The following IL1RAPL1 variants were observed in gnomAD, a reference collection of about 807,000 sequenced individuals.
The protein encoded by IL1RAPL1 is interleukin-1 receptor accessory protein-like 1.
A neutral mutation model predicts 48.4 loss-of-function variants in IL1RAPL1; 3 were observed. The observed-to-expected ratio is 0.06, with a 90% CI of 0.03 to 0.16. The LOEUF is 0.16. Ranked by LOEUF, IL1RAPL1 falls within the 10% of genes least tolerant of loss-of-function variation. IL1RAPL1 has a pLI of 1.00. For synonymous variants in IL1RAPL1, 185 were observed against 187.7 expected (o/e 0.99, Z 0.12); for missense variants, 349 against 530.6 (o/e 0.66, Z 3.36).
intron 2 of IL1RAPL1, among the ~76,000 whole-genome samples, chrX:29,096,831 C>T (rs1175875807): frequency 6.3e-5 from 7 of 110,990 alleles, no homozygotes; most frequent in South Asian, 3.8e-4. Context: ...GTAAAAAGCA[C>T]GTACCTTGGT....
intron 9 of IL1RAPL1, 83 bp downstream of exon 9, chrX:29,941,877 C>T (rs956465417): frequency 1.1e-4 from 95 of 875,404 alleles, no homozygotes; most frequent in Non-Finnish European, 1.4e-4. Flanking sequence ...AAAAAAATTA[C>T]GTGCATAATC....
At chrX:29,113,358 G>A (rs1295904662) in intron 2 of IL1RAPL1, among the ~76,000 whole-genome samples, 1 of 111,531 alleles carries the variant, frequency 9.0e-6, no homozygotes, top group Non-Finnish European at 1.9e-5. Flanking sequence ...GTCTGGTAGG[G>A]CTAGTCCCTC....
At chrX:29,853,145 G>T (rs183298113) in intron 6 of IL1RAPL1, among the ~76,000 whole-genome samples, 2 of 106,089 alleles carry the variant, frequency 1.9e-5, no homozygotes, top group East Asian at 6.1e-4. Flanking sequence ...TTTGAAGACT[G>T]CAAGGAGTAC....
chrX:29,926,731 G>C (rs745558473), intron 8 of IL1RAPL1, among the ~76,000 whole-genome samples: 1 of 111,409 alleles, frequency 9.0e-6, no homozygotes, highest in South Asian at 3.8e-4. Context: ...AGTACTCCTA[G>C]CCTCTGCCCA....
chrX:29,638,665 A>G (rs1036941119), intron 5 of IL1RAPL1, among the ~76,000 whole-genome samples: 2 of 112,067 alleles, frequency 1.8e-5, no homozygotes. Context: ...ATATACAAAT[A>G]CATATGTGAA....
chrX:28,838,638 G>GT (rs1921287156), intron 2 of IL1RAPL1, among the ~76,000 whole-genome samples: 1 of 110,000 alleles, frequency 9.1e-6, no homozygotes, highest in East Asian at 2.9e-4. Context: ...ACAAACTCGG[G>GT]TTTTTGTCTT....
At chrX:29,415,576 C>A (rs1173862311) in intron 5 of IL1RAPL1, among the ~76,000 whole-genome samples, 3 of 110,671 alleles carry the variant, frequency 2.7e-5, no homozygotes, top group African/African-American at 9.9e-5. Flanking sequence ...CGTGCCACCA[C>A]GCCCGGCTAA....
chrX:29,076,612 A>T (rs1927675731), intron 2 of IL1RAPL1, among the ~76,000 whole-genome samples: 1 of 109,517 alleles, frequency 9.1e-6, no homozygotes, highest in Non-Finnish European at 1.9e-5. Context: ...CTTTCGATTC[A>T]TTCCATTCCA....
At chrX:29,693,225 C>A (rs1176265887) in intron 6 of IL1RAPL1, among the ~76,000 whole-genome samples, 1 of 112,314 alleles carries the variant, frequency 8.9e-6, no homozygotes, top group East Asian at 2.8e-4. Context: ...CTGGTGTCAT[C>A]ATTCACTGAG....
chrX:28,928,369 T>C (rs762494424), intron 2 of IL1RAPL1, among the ~76,000 whole-genome samples: 36 of 111,554 alleles, frequency 3.2e-4, no homozygotes, highest in African/African-American at 1.1e-3. Flanking sequence ...ATCTCCCTTC[T>C]TCCTCTACAG....
chrX:29,555,438 C>G (rs4829224), intron 5 of IL1RAPL1, among the ~76,000 whole-genome samples: 47,178 of 110,743 alleles, frequency 0.43, 7,892 homozygotes, highest in East Asian at 0.71. Flanking sequence ...CTTCCTTAAG[C>G]CCAAAGTTAG....
intron 5 of IL1RAPL1, among the ~76,000 whole-genome samples, chrX:29,596,246 G>T (rs1401178035): frequency 9.0e-6 from 1 of 111,232 alleles, no homozygotes; most frequent in East Asian, 2.8e-4. Flanking sequence ...ATTTTAGGAC[G>T]GCTTTTCTAG....
intron 1 of IL1RAPL1, among the ~76,000 whole-genome samples, chrX:28,628,613 T>C (rs1290942224): frequency 8.9e-6 from 1 of 112,442 alleles, no homozygotes; most frequent in Admixed American, 9.4e-5. Flanking sequence ...CTGAGCCCTT[T>C]ATGTTCTTAA....
chrX:28,962,053 G>C (rs1924792977), intron 2 of IL1RAPL1, among the ~76,000 whole-genome samples: 1 of 111,633 alleles, frequency 9.0e-6, no homozygotes. Context: ...TAGCCCTTAA[G>C]ACATAGCCTG....
At chrX:29,836,627 T>G (rs1244781779) in intron 6 of IL1RAPL1, among the ~76,000 whole-genome samples, 1 of 112,486 alleles carries the variant, frequency 8.9e-6, no homozygotes, top group Non-Finnish European at 1.9e-5. Flanking sequence ...TGTTATGGAT[T>G]TCTAGTTTTC....
chrX:29,000,383 A>G (rs1434572064), intron 2 of IL1RAPL1, among the ~76,000 whole-genome samples: 1 of 111,573 alleles, frequency 9.0e-6, no homozygotes, highest in African/African-American at 3.3e-5. Flanking sequence ...AGTCCCTTAG[A>G]TGCTCTCTTT....
At chrX:29,189,545 G>A (rs1930314168) in intron 2 of IL1RAPL1, among the ~76,000 whole-genome samples, 1 of 110,912 alleles carries the variant, frequency 9.0e-6, no homozygotes, top group African/African-American at 3.3e-5. Context: ...TATAAAGTAA[G>A]TGTTCACCTG....
At chrX:29,363,866 G>C (rs2147661038) in intron 3 of IL1RAPL1, among the ~76,000 whole-genome samples, 1 of 111,122 alleles carries the variant, frequency 9.0e-6, no homozygotes, top group South Asian at 3.8e-4. Context: ...CTCTCACCAG[G>C]CTCCACCTCC....
At chrX:29,319,160 G>GTCTGTCTGTCTGTCTGTCTGTCTATCTA (rs370282992) in intron 3 of IL1RAPL1, among the ~76,000 whole-genome samples, 2 of 84,986 alleles carry the variant, frequency 2.4e-5, no homozygotes, top group African/African-American at 9.2e-5. Context: ...CTATCTGTCT[G>GTCTGTCTGTCTGTCTGTCTGTCTATCTA]TCTATCTATC....
Sources: gnomAD v4.1 joint callset for allele counts (sites outside exome capture counted in the v4.1 genomes callset) on GRCh38, gnomAD v4.1.1 for gene constraint, MANE v1.5 for transcripts, NCBI Gene and HGNC (gene_info 2026-07-23, HGNC 2026-07-21) for gene names.